The following NFATC3 variants were observed in gnomAD, a reference collection of about 807,000 sequenced individuals.
The protein encoded by NFATC3 is nuclear factor of activated T-cells, cytoplasmic 3.
NFATC3 carries 46 observed loss-of-function variants against 98.6 expected under a neutral mutation model. That is an observed-to-expected ratio of 0.47 (90% CI 0.37 to 0.60). The LOEUF is 0.60. Ranked by LOEUF, NFATC3 falls within the 20% of genes least tolerant of loss-of-function variation. NFATC3 has a pLI of 0.00. For synonymous variants in NFATC3, 512 were observed against 472.2 expected (o/e 1.08, Z -1.09); for missense variants, 1,256 against 1,295.5 (o/e 0.97, Z 0.47).
At chr16:68,188,194 C>G (rs2040289065) in intron 8 of NFATC3, among the ~76,000 whole-genome samples, 1 of 152,206 alleles carries the variant, frequency 6.6e-6, no homozygotes. Context: ...AGGGGCCAGA[C>G]ACTGGGAGCA....
chr16:68,209,763 C>A, intron 9 of NFATC3: 1 of 468,064 alleles, frequency 2.1e-6, no homozygotes, highest in South Asian at 1.6e-5. Context: ...TGGTTCGTTG[C>A]AGTTGTGTAG....
In NFATC3 at chr16:68,218,308, C is replaced by T. The variant is rs1049604141; in HGVS notation, c.3107-8042C>T. Among the ~76,000 whole-genome samples the T allele has an allele frequency of 4.5e-4, 68 of 151,696 alleles. 1 individual carries two copies. Among genetic ancestry groups the T allele is most frequent in the African/African-American group, 1.6e-3 (65 of 41,334 alleles). On this transcript the variant is annotated intron_variant, in intron 9 of 9. Coordinates refer to ENST00000346183, the MANE Select transcript of NFATC3 (RefSeq NM_173165.3). ...GGTGAATTCAGGCCAGGCATGGTGG[C>T]TCATGCCTGTTATCCCAGCACTTTG...
intron 3 of NFATC3, among the ~76,000 whole-genome samples, chr16:68,156,167 C>T (rs1165170984): frequency 2.6e-5 from 4 of 151,638 alleles, no homozygotes; most frequent in Non-Finnish European, 4.4e-5. Flanking sequence ...AAAAATTAGC[C>T]GAGTGTGGTG....
In NFATC3 at chr16:68,166,996, C is replaced by T; in HGVS notation, c.1755C>T (p.Ala585=). Residue 585 remains alanine, a synonymous_variant, in exon 5 of 10, where the codon GCC becomes GCT. Transcript: ENST00000346183. ...GAAAAGTCCTTTCTCTGCAGATAGCCTCTATACCCGTTGAGTGCTGTAAGT... is the reference window on the plus strand; with the variant it reads ...GAAAAGTCCTTTCTCTGCAGATAGCTTCTATACCCGTTGAGTGCTGTAAGT... The part of the protein sequence containing the change: ...PSGKVLSLQI[A]SIPVECSQRS... The T allele has an allele frequency of 6.2e-7, 1 of 1,613,660 alleles. No homozygotes were observed. The highest frequency in any genetic ancestry group is 1.3e-5 in the African/African-American group (1 of 75,022).
chr16:68,131,260 TACA>T (rs1458076753), intron 3 of NFATC3, among the ~76,000 whole-genome samples: 4 of 152,192 alleles, frequency 2.6e-5, no homozygotes, highest in South Asian at 2.1e-4. Context: ...TACATTCTTA[TACA>T]ACAACAACTT....
rs1336289718 is a variant in NFATC3, at chr16:68,085,527, C to G, written c.-155C>G. 5.0e-6 allele frequency: 3 copies of G among 600,804 alleles called. No individual in the cohort carries two copies. Among genetic ancestry groups the G allele is most frequent in the East Asian group, 7.1e-5 (2 of 28,306 alleles). The allele number at this position is 600,804 out of a possible 1,614,324, so 37.2% of individuals were successfully genotyped here. On this transcript the variant is annotated 5_prime_UTR_variant, in exon 1 of 10. Coordinates refer to ENST00000346183, the MANE Select transcript of NFATC3 (RefSeq NM_173165.3). ...CGGCCAGCTTTCGGAACGGAACGCT[C>G]GGCGTCGCGGGCCCCGCCCGGAAAG... is the stretch of plus-strand genomic sequence containing the variant.
chr16:68,201,192 A>G (rs1288349272), intron 9 of NFATC3, among the ~76,000 whole-genome samples: 2 of 152,034 alleles, frequency 1.3e-5, no homozygotes, highest in Non-Finnish European at 1.5e-5. Flanking sequence ...TCAGCCTCCT[A>G]AAGTGCTGGG....
At chr16:68,143,932 A>AGGCTAAGCAAAGATCTCT (rs1358514080) in intron 3 of NFATC3, among the ~76,000 whole-genome samples, 1 of 152,216 alleles carries the variant, frequency 6.6e-6, no homozygotes, top group African/African-American at 2.4e-5. Flanking sequence ...TTAAGATCTC[A>AGGCTAAGCAAAGATCTCT]GGCTAAGCAA....
At chr16:68,145,202 G>A (rs1555517451) in intron 3 of NFATC3, among the ~76,000 whole-genome samples, 7 of 150,772 alleles carry the variant, frequency 4.6e-5, no homozygotes. Flanking sequence ...GGAGTGCAGT[G>A]ATGCGATCTC....
chr16:68,177,000 T>C (rs1202917062), intron 6 of NFATC3, among the ~76,000 whole-genome samples: 1 of 151,762 alleles, frequency 6.6e-6, no homozygotes, highest in Non-Finnish European at 1.5e-5. Context: ...TTTGTTCTGG[T>C]CATATATATT....
intron 3 of NFATC3, among the ~76,000 whole-genome samples, chr16:68,135,706 G>T (rs187220526): frequency 1.1e-4 from 16 of 152,166 alleles, no homozygotes; most frequent in African/African-American, 3.9e-4. Flanking sequence ...TTAATTTTCT[G>T]AATTTTTTTA....
In NFATC3 at chr16:68,126,776, T is replaced by C. The variant is rs566549414; in HGVS notation, c.1401+166T>C. 9.2e-5 allele frequency among the ~76,000 whole-genome samples: 14 copies of C among 152,334 alleles called. 1 individual carries two copies. The highest frequency in any genetic ancestry group is 9.2e-4 in the Admixed American group (14 of 15,284). On this transcript the variant is annotated intron_variant, in intron 3 of 9. Transcript: ENST00000346183. ...GTGACTACACTTGTGCATTGAGTTA[T>C]ATTTGCTAGGCTAAAAGATGTTCTT... is the stretch of plus-strand genomic sequence containing the variant.
At position 68,126,555 on chromosome 16, in the gene NFATC3, C is replaced by T. The variant is rs1171210395; in HGVS notation, c.1346C>T (p.Thr449Ile). ...ACTCATCATCGAGCCCATTATGAAACTGAAGGTAGCCGAGGGGCAGTAAAA... is the reference window on the plus strand; with the variant it reads ...ACTCATCATCGAGCCCATTATGAAATTGAAGGTAGCCGAGGGGCAGTAAAA... ...PKTHHRAHYE[T>I]EGSRGAVKAS... Residue 449 changes from threonine (T) to isoleucine (I), a missense_variant, in exon 3 of 10, where the codon ACT (threonine) becomes ATT (isoleucine). Transcript: ENST00000346183. The T allele has an allele frequency of 6.2e-7, 1 of 1,614,014 alleles. No individual in the cohort carries two copies. Among genetic ancestry groups the T allele is most frequent in the Admixed American group, 1.7e-5 (1 of 59,996 alleles).
chr16:68,157,967 A>G lies in NFATC3; in HGVS notation c.1500A>G (p.Arg500=). ...CTCATGCATTTTACCAGGTGCATCG[A>G]ATCACTGGGAAGACAGTCGCTACTG... ...LRPHAFYQVH[R]ITGKTVATAS... Residue 500 remains arginine (R), a synonymous_variant, in exon 4 of 10, where the codon CGA becomes CGG. Transcript: ENST00000346183. The G allele has an allele frequency of 6.2e-7, 1 of 1,614,048 alleles. No individual in the cohort carries two copies. Among genetic ancestry groups the G allele is most frequent in the Non-Finnish European group, 8.5e-7 (1 of 1,179,956 alleles).
chr16:68,172,409 A>G (rs2039507372), intron 5 of NFATC3, among the ~76,000 whole-genome samples: 1 of 152,194 alleles, frequency 6.6e-6, no homozygotes, highest in African/African-American at 2.4e-5. Flanking sequence ...TATAATCAAC[A>G]CTTTTAAAAT....
intron 1 of NFATC3, among the ~76,000 whole-genome samples, chr16:68,101,786 A>G (rs1266116025): frequency 6.6e-6 from 1 of 151,936 alleles, no homozygotes; most frequent in African/African-American, 2.4e-5. Flanking sequence ...CCCGGTCCCA[A>G]AGTATCTTTT....
At chr16:68,163,984 A>T (rs2039052377) in intron 4 of NFATC3, among the ~76,000 whole-genome samples, 2 of 151,768 alleles carry the variant, frequency 1.3e-5, no homozygotes, top group African/African-American at 4.8e-5. Context: ...GACGCTCCTC[A>T]CTTCCCAGAC....
At chr16:68,126,331 T>C (rs2036833672) in intron 2 of NFATC3, 117 bp from the exon 3 acceptor site, 1 of 876,296 alleles carries the variant, frequency 1.1e-6, no homozygotes, top group African/African-American at 1.7e-5. Flanking sequence ...TTTTATTTTG[T>C]AATACATTGT....
chr16:68,162,267 A>C (rs1023228624), intron 4 of NFATC3, among the ~76,000 whole-genome samples: 15 of 152,246 alleles, frequency 9.9e-5, no homozygotes. Flanking sequence ...GGTACTGTAG[A>C]TACCAGGGTA....
Sources: allele counts gnomAD v4.1 joint callset (sites outside exome capture counted in the v4.1 genomes callset), GRCh38; gene constraint gnomAD v4.1.1; transcripts MANE v1.5; gene names NCBI Gene and HGNC (gene_info 2026-07-23, HGNC 2026-07-21).